The following RERG variants were observed in gnomAD, a reference collection of about 807,000 sequenced individuals.
The protein encoded by RERG is ras-related and estrogen-regulated growth inhibitor.
RERG carries 25 observed loss-of-function variants against 23.2 expected under a neutral mutation model. That is an observed-to-expected ratio of 1.08 (90% CI 0.79 to 1.50). The LOEUF is 1.50. Ranked by LOEUF, RERG falls within the 40% of genes most tolerant of loss-of-function variation. The pLI, the probability that RERG is intolerant of heterozygous loss-of-function variation, is 0.00. For missense variants in RERG, 253 were observed against 250.1 expected, an observed-to-expected ratio of 1.01 and a Z score of -0.08; for synonymous variants, 81 against 89.1, an observed-to-expected ratio of 0.91 and a Z score of 0.51.
chr12:15,142,785 A>C (rs1407727097), intron 2 of RERG, among the ~76,000 whole-genome samples: 1 of 152,194 alleles, frequency 6.6e-6, no homozygotes, highest in Admixed American at 6.5e-5. Context: ...ACCTAAAAAA[A>C]ACCCCTGAAA....
intron 2 of RERG, among the ~76,000 whole-genome samples, chr12:15,203,675 C>A (rs946653710): frequency 2.0e-5 from 3 of 151,610 alleles, no homozygotes; most frequent in Non-Finnish European, 4.4e-5. Flanking sequence ...CCTAAAGACT[C>A]CACCAAAAAC....
At chr12:15,163,192 G>A (rs935727999) in intron 2 of RERG, among the ~76,000 whole-genome samples, 3 of 152,124 alleles carry the variant, frequency 2.0e-5, no homozygotes, top group Non-Finnish European at 2.9e-5. Context: ...ATCCCTGCCA[G>A]GTGGCCTGAT....
At chr12:15,165,757 G>T (rs945266994) in intron 2 of RERG, among the ~76,000 whole-genome samples, 1 of 152,138 alleles carries the variant, frequency 6.6e-6, no homozygotes, top group Admixed American at 6.5e-5. Flanking sequence ...CTCCAATTAT[G>T]GCACATTTTT....
chr12:15,205,974 G>C (rs2136144211), intron 2 of RERG, among the ~76,000 whole-genome samples: 1 of 152,108 alleles, frequency 6.6e-6, no homozygotes, highest in East Asian at 1.9e-4. Context: ...TTAACTATAT[G>C]GAGCGAGGTG....
At chr12:15,177,835 G>GTTT (rs1488006680) in intron 2 of RERG, among the ~76,000 whole-genome samples, 13 of 99,336 alleles carry the variant, frequency 1.3e-4, no homozygotes, top group African/African-American at 3.8e-4. Context: ...GGCTCCCTCT[G>GTTT]TTTGTTTTTT....
intron 2 of RERG, among the ~76,000 whole-genome samples, chr12:15,151,770 G>A (rs1308899133): frequency 6.6e-6 from 1 of 152,156 alleles, no homozygotes; most frequent in East Asian, 1.9e-4. Flanking sequence ...AATATGGTTA[G>A]GTTAACAGAA....
At chr12:15,174,492 G>GTA (rs1355592677) in intron 2 of RERG, among the ~76,000 whole-genome samples, 26 of 149,000 alleles carry the variant, frequency 1.7e-4, no homozygotes, top group Admixed American at 7.3e-4. Context: ...GTGTGTGTGT[G>GTA]TGTGTATATA....
intron 2 of RERG, among the ~76,000 whole-genome samples, chr12:15,124,387 C>A (rs4764169): frequency 6.6e-6 from 1 of 151,570 alleles, no homozygotes; most frequent in African/African-American, 2.4e-5. Flanking sequence ...TCAGCTTCAG[C>A]AAGAAATGAA....
intron 2 of RERG, among the ~76,000 whole-genome samples, chr12:15,130,490 C>T (rs960482536): frequency 2.6e-5 from 4 of 152,076 alleles, no homozygotes; most frequent in Middle Eastern, 3.4e-3. Flanking sequence ...TCTGAAGGAA[C>T]CCTTTCTCTT....
intron 2 of RERG, among the ~76,000 whole-genome samples, chr12:15,202,285 T>C (rs1279600343): frequency 6.6e-6 from 1 of 151,788 alleles, no homozygotes; most frequent in Non-Finnish European, 1.5e-5. Context: ...TTTATATGTC[T>C]GTGTGTATGT....
intron 2 of RERG, among the ~76,000 whole-genome samples, chr12:15,141,285 A>G (rs145691127): frequency 0.041 from 6,182 of 151,852 alleles, 460 homozygotes; most frequent in African/African-American, 0.14. Flanking sequence ...CCTCCTGAGT[A>G]GTTGGGACTA....
intron 2 of RERG, among the ~76,000 whole-genome samples, chr12:15,173,694 T>C (rs1020757955): frequency 6.6e-6 from 1 of 151,960 alleles, no homozygotes; most frequent in African/African-American, 2.4e-5. Flanking sequence ...AGTATGACAC[T>C]TGTTAAATTT....
In RERG at chr12:15,148,887, T is replaced by TTTTTTTTTTTTTTTTTTTTG. The variant is rs1156302513; in HGVS notation, c.62-27769_62-27768insCAAAAAAAAAAAAAAAAAAA. Among the ~76,000 whole-genome samples, 6 of 69,500 alleles carry TTTTTTTTTTTTTTTTTTTTG rather than the reference T, an allele frequency of 8.6e-5. 3 individuals carry two copies. Among genetic ancestry groups the TTTTTTTTTTTTTTTTTTTTG allele is most frequent in the Non-Finnish European group, 1.2e-4 (4 of 32,656 alleles). 45.6% of individuals were successfully genotyped at this position (69,500 alleles called of 152,430 possible). On this transcript the variant is annotated intron_variant, in intron 2 of 4. Coordinates refer to ENST00000256953, the MANE Select transcript of RERG (RefSeq NM_032918.3). ...TTTTTTTTTTTTTTTTTTTTTTTTT[T>TTTTTTTTTTTTTTTTTTTTG]AGACAGAGTCTAGCTCTGTCACCCA... is the stretch of plus-strand genomic sequence containing the variant.
At chr12:15,164,082 G>C (rs750815830) in intron 2 of RERG, among the ~76,000 whole-genome samples, 1 of 152,180 alleles carries the variant, frequency 6.6e-6, no homozygotes, top group Non-Finnish European at 1.5e-5. Context: ...CAGGGAAAGA[G>C]CAAGAATGGA....
intron 2 of RERG, among the ~76,000 whole-genome samples, chr12:15,166,562 TTGG>T (rs1277262863): frequency 4.0e-5 from 6 of 149,348 alleles, no homozygotes; most frequent in South Asian, 2.1e-4. Flanking sequence ...GGTGGTGGTG[TTGG>T]TGGTGGTGGT....
intron 2 of RERG, among the ~76,000 whole-genome samples, chr12:15,128,242 C>T (rs931563587): frequency 2.6e-5 from 4 of 152,086 alleles, no homozygotes; most frequent in Admixed American, 2.0e-4. Flanking sequence ...AGAAAGAGAA[C>T]ATGAATTTCG....
At chr12:15,138,522 A>T (rs988211426) in intron 2 of RERG, among the ~76,000 whole-genome samples, 2 of 152,054 alleles carry the variant, frequency 1.3e-5, no homozygotes, top group Non-Finnish European at 2.9e-5. Flanking sequence ...TCTTTTATAG[A>T]CATTTTAATA....
At chr12:15,214,937 C>A (rs75113593) in intron 2 of RERG, among the ~76,000 whole-genome samples, 2,645 of 152,284 alleles carry the variant, frequency 0.017, 31 homozygotes, top group Middle Eastern at 0.027. Flanking sequence ...ATGCATCAAA[C>A]GAGTGCTACT....
chr12:15,191,455 G>T (rs1051067911), intron 2 of RERG, among the ~76,000 whole-genome samples: 1 of 152,028 alleles, frequency 6.6e-6, no homozygotes, highest in Non-Finnish European at 1.5e-5. Flanking sequence ...GGAAGCCAGA[G>T]AATTTTTTTT....
Sources: allele counts gnomAD v4.1 joint callset (sites outside exome capture counted in the v4.1 genomes callset), GRCh38; gene constraint gnomAD v4.1.1; transcripts MANE v1.5; gene names NCBI Gene and HGNC (gene_info 2026-07-23, HGNC 2026-07-21).